The following TIAM2 variants were observed in gnomAD, a reference collection of about 807,000 sequenced individuals.
TIAM2 encodes rho guanine nucleotide exchange factor TIAM2.
A neutral mutation model predicts 152.9 loss-of-function variants in TIAM2; 80 were observed. The ratio of observed to expected loss-of-function variants is 0.52; its 90% CI spans 0.44 to 0.63. TIAM2 has a LOEUF of 0.63. Ranked by LOEUF, TIAM2 falls within the 30% of genes least tolerant of loss-of-function variation. The pLI is 0.00. For synonymous variants in TIAM2, 804 were observed against 838.0 expected, an observed-to-expected ratio of 0.96 and a Z score of 0.70; for missense variants, 1,965 against 2,120.1, an observed-to-expected ratio of 0.93 and a Z score of 1.44.
At chr6:155,029,425 A>G (rs1162571259) in intron 1 of TIAM2, among the ~76,000 whole-genome samples, 3 of 10,286 alleles carry the variant, frequency 2.9e-4, no homozygotes, top group African/African-American at 8.9e-4. Context: ...TACTATATAT[A>G]CTATAGTATA....
chr6:155,247,868 G>T (rs1783425347), intron 19 of TIAM2, 132 bp from the exon 20 acceptor site: 1 of 1,171,592 alleles, frequency 8.5e-7, no homozygotes, highest in African/African-American at 1.5e-5. Flanking sequence ...CCACTGATGT[G>T]TTGGGGTTTT....
At chr6:155,256,191 C>A in intron 26 of TIAM2, 1 of 544,542 alleles carries the variant, frequency 1.8e-6, no homozygotes, top group African/African-American at 1.9e-5. Flanking sequence ...TACTCCTTGG[C>A]AAAATAAGAA....
At chr6:155,222,595 TG>T (rs1554243370) in intron 15 of TIAM2, among the ~76,000 whole-genome samples, 1 of 20,068 alleles carries the variant, frequency 5.0e-5, no homozygotes, top group Non-Finnish European at 1.1e-4. Flanking sequence ...AGCAAGACTC[TG>T]TTTCAAAAAC....
chr6:155,228,664 G>A (rs1782329666), intron 15 of TIAM2, among the ~76,000 whole-genome samples: 1 of 152,190 alleles, frequency 6.6e-6, no homozygotes, highest in Admixed American at 6.5e-5. Flanking sequence ...GGCTGGTTGT[G>A]TAGAAATGCT....
intron 15 of TIAM2, among the ~76,000 whole-genome samples, chr6:155,219,397 TG>T (rs1292633400): frequency 6.6e-6 from 1 of 151,560 alleles, no homozygotes; most frequent in Non-Finnish European, 1.5e-5. Context: ...GAGGAGGGCT[TG>T]CAGACTTTGC....
At chr6:155,168,934 T>C in intron 9 of TIAM2, 1 of 1,519,096 alleles carries the variant, frequency 6.6e-7, no homozygotes, top group Non-Finnish European at 8.8e-7. Context: ...TTGCTATAGA[T>C]GGCCGCCATC....
intron 1 of TIAM2, among the ~76,000 whole-genome samples, chr6:155,044,144 A>G (rs1777107737): frequency 6.6e-6 from 1 of 152,182 alleles, no homozygotes; most frequent in Admixed American, 6.5e-5. Context: ...GTTTGTTCAC[A>G]TATCTGTCAT....
intron 4 of TIAM2, among the ~76,000 whole-genome samples, chr6:155,134,005 C>T (rs1277342028): frequency 6.6e-6 from 1 of 152,200 alleles, no homozygotes; most frequent in African/African-American, 2.4e-5. Flanking sequence ...GCGTGAGCCA[C>T]CTGGCTTGAG....
At chr6:155,057,451 C>A (rs1167861595) in intron 1 of TIAM2, among the ~76,000 whole-genome samples, 1 of 150,922 alleles carries the variant, frequency 6.6e-6, no homozygotes, top group African/African-American at 2.4e-5. Flanking sequence ...TGATTTGTCA[C>A]TGTTGATGTT....
At chr6:155,134,168 T>C (rs1478468111) in intron 4 of TIAM2, among the ~76,000 whole-genome samples, 1 of 152,162 alleles carries the variant, frequency 6.6e-6, no homozygotes, top group African/African-American at 2.4e-5. Flanking sequence ...TGTGTATATA[T>C]ATATATATAG....
At chr6:155,019,346 G>GA (rs930044836) in intron 1 of TIAM2, among the ~76,000 whole-genome samples, 1 of 151,160 alleles carries the variant, frequency 6.6e-6, no homozygotes, top group Non-Finnish European at 1.5e-5. Flanking sequence ...AAAAAGAAAA[G>GA]AAAAAAAATA....
chr6:155,215,585 T>TC (rs1201545682), intron 15 of TIAM2, among the ~76,000 whole-genome samples: 2 of 152,190 alleles, frequency 1.3e-5, no homozygotes, highest in Non-Finnish European at 2.9e-5. Context: ...GTTTCCCTGT[T>TC]CTTTGTTTCT....
Position 155,257,585 on chromosome 6 carries a change from GATT to G in TIAM2, c.*465_*467del. On this transcript the variant is annotated 3_prime_UTR_variant, in exon 27 of 27. Coordinates refer to ENST00000682666, the MANE Select transcript of TIAM2 (RefSeq NM_012454.4). ...GCAGATACTTCATTTTTGTAAGATAGATTGTAATAGATGCTGTTTATACTAAAC... is the reference window on the plus strand; with the variant it reads ...GCAGATACTTCATTTTTGTAAGATAGGTAATAGATGCTGTTTATACTAAAC... 2.2e-6 allele frequency: 1 copy of G among 460,518 alleles called. No individual in the cohort carries two copies. The highest frequency in any genetic ancestry group is 3.8e-6 in the Non-Finnish European group (1 of 262,806). The allele number at this position is 460,518 out of a possible 1,614,324, so 28.5% of individuals were successfully genotyped here. A position where few individuals can be genotyped will look rare whatever the true frequency, so the allele number is the denominator to read the frequency against.
intron 1 of TIAM2, among the ~76,000 whole-genome samples, chr6:155,047,678 G>GAGAGAC (rs1198308940): frequency 1.9e-5 from 1 of 52,370 alleles, no homozygotes; most frequent in Non-Finnish European, 4.7e-5. Context: ...GAGAGAGAGA[G>GAGAGAC]AGAGAGAGAG....
chr6:155,019,002 T>C (rs1416739057), intron 1 of TIAM2, among the ~76,000 whole-genome samples: 1 of 149,628 alleles, frequency 6.7e-6, no homozygotes, highest in East Asian at 2.0e-4. Flanking sequence ...ATCGTGCTAG[T>C]GCACTGCAGC....
intron 1 of TIAM2, among the ~76,000 whole-genome samples, chr6:155,043,653 A>G (rs938370979): frequency 4.6e-5 from 7 of 150,876 alleles, no homozygotes; most frequent in Non-Finnish European, 1.0e-4. Context: ...AAAAAAAAAA[A>G]AAAAGGATCT....
chr6:155,117,815 A>G (rs1779050556), intron 2 of TIAM2, among the ~76,000 whole-genome samples: 1 of 152,152 alleles, frequency 6.6e-6, no homozygotes, highest in South Asian at 2.1e-4. Flanking sequence ...GCACAAGCTG[A>G]TGAGCTCCTT....
Position 155,091,553 on chromosome 6 carries a change from C to G in TIAM2, c.-118+1174C>G, listed in dbSNP as rs188091024. Among the ~76,000 whole-genome samples, 188 of 152,304 alleles carry G rather than the reference C, an allele frequency of 1.2e-3. 3 individuals are homozygous for G. Among genetic ancestry groups the G allele is most frequent in the Admixed American group, 1.0e-2 (153 of 15,304 alleles). On this transcript the variant is annotated intron_variant, in intron 2 of 26. Coordinates refer to ENST00000682666, the MANE Select transcript of TIAM2 (RefSeq NM_012454.4). ...TTTTTTGAAATGTGAATTCCTCCCTCACATTATGATCAAATTTAACATTAG... is the reference window on the plus strand; with the variant it reads ...TTTTTTGAAATGTGAATTCCTCCCTGACATTATGATCAAATTTAACATTAG...
intron 2 of TIAM2, among the ~76,000 whole-genome samples, chr6:155,118,183 G>A (rs1165896250): frequency 6.6e-6 from 1 of 152,090 alleles, no homozygotes; most frequent in Non-Finnish European, 1.5e-5. Flanking sequence ...CCCTCAGCCT[G>A]CCTTTTCCCT....
Sources: allele counts gnomAD v4.1 joint callset (sites outside exome capture counted in the v4.1 genomes callset), GRCh38; gene constraint gnomAD v4.1.1; transcripts MANE v1.5; gene names NCBI Gene and HGNC (gene_info 2026-07-23, HGNC 2026-07-21).